The following ZC3H6 variants were observed in gnomAD, a reference collection of about 807,000 sequenced individuals.
The protein encoded by ZC3H6 is zinc finger CCCH-type containing 6, also known as zinc finger CCCH domain-containing protein 6.
Under a neutral mutation model 107.7 loss-of-function variants are expected in ZC3H6, and 40 were observed. The observed-to-expected ratio is 0.37, with a 90% CI of 0.29 to 0.48. The LOEUF is 0.48. Ranked by LOEUF, ZC3H6 falls within the 20% of genes least tolerant of loss-of-function variation. The probability of loss-of-function intolerance (pLI) is 0.98; values close to 1 mark genes in which losing one functional copy is unlikely to be tolerated. For synonymous variants in ZC3H6, 493 were observed against 487.9 expected (o/e 1.01, Z -0.14); for missense variants, 1,267 against 1,410.4 (o/e 0.90, Z 1.63).
In ZC3H6 at chr2:112,275,745, C is replaced by T; in HGVS notation, c.-250C>T. 1 of 432,082 alleles carries T rather than the reference C, an allele frequency of 2.3e-6. No individual in the cohort carries two copies. The highest frequency in any genetic ancestry group is 4.1e-6 in the Non-Finnish European group (1 of 243,830). 26.8% of individuals were successfully genotyped at this position (432,082 alleles called of 1,614,324 possible). ...CGGCGGCGAATAGAGACTAGAGCGG[C>T]AGCGCCGGCAGCGCGGGGCCGTTGC... On this transcript the variant is annotated 5_prime_UTR_variant, in exon 1 of 12. Transcript: ENST00000409871.
intron 3 of ZC3H6, among the ~76,000 whole-genome samples, chr2:112,308,920 T>C (rs887442906): frequency 6.6e-6 from 1 of 151,140 alleles, no homozygotes; most frequent in African/African-American, 2.4e-5. Context: ...GGCATGTTGG[T>C]GCGCGCCTGT....
Position 112,332,793 on chromosome 2 carries a change from TAATC to T in ZC3H6, c.*309_*312del, listed in dbSNP as rs1014153985. ...CTGAATATATGCCAGTTGTCTTTCA[TAATC>T]AATGTTTAGATAAATGATTGCCACT... is the stretch of plus-strand genomic sequence containing the variant. On this transcript the variant is annotated 3_prime_UTR_variant, in exon 12 of 12. Transcript: ENST00000409871. The T allele has an allele frequency of 3.0e-5, 6 of 199,982 alleles. No individual in the cohort carries two copies. The Admixed American group carries it at 3.2e-4, about 11-fold the overall frequency. 12.4% of individuals were successfully genotyped at this position (199,982 alleles called of 1,614,324 possible).
chr2:112,325,836 T>A (rs957198918), intron 11 of ZC3H6, among the ~76,000 whole-genome samples: 1 of 152,038 alleles, frequency 6.6e-6, no homozygotes, highest in Non-Finnish European at 1.5e-5. Flanking sequence ...ATAAAAAGAT[T>A]ATATGGAAAC....
chr2:112,289,149 C>T (rs1403201369), intron 1 of ZC3H6, among the ~76,000 whole-genome samples: 26 of 150,912 alleles, frequency 1.7e-4, no homozygotes, highest in African/African-American at 3.4e-4. Context: ...CTCTACCTCC[C>T]AGATTCAAGC....
intron 7 of ZC3H6, among the ~76,000 whole-genome samples, chr2:112,319,996 G>T (rs186789022): frequency 6.6e-6 from 1 of 152,078 alleles, no homozygotes; most frequent in Admixed American, 6.6e-5. Context: ...CCAATGGCGC[G>T]TTCTCCGCTC....
In ZC3H6 at chr2:112,338,875, A is replaced by G. The variant is rs1256597540; in HGVS notation, c.*6387A>G. ...TGTGTGTATATATATATATATATAT[A>G]TATATATATATATATATATATATAT... On this transcript the variant is annotated 3_prime_UTR_variant, in exon 12 of 12. Coordinates refer to ENST00000409871, the MANE Select transcript of ZC3H6 (RefSeq NM_198581.3). 0.011 allele frequency: 144 copies of G among 13,158 alleles called. 3 individuals carry two copies. Among genetic ancestry groups the G allele is most frequent in the African/African-American group, 0.087 (54 of 622 alleles). The allele number at this position is 13,158 out of a possible 1,614,324, so 0.8% of individuals were successfully genotyped here. A position where few individuals can be genotyped will look rare whatever the true frequency, so the allele number is the denominator to read the frequency against.
At chr2:112,290,390 A>T (rs549441527) in intron 1 of ZC3H6, among the ~76,000 whole-genome samples, 1 of 152,356 alleles carries the variant, frequency 6.6e-6, no homozygotes, top group East Asian at 1.9e-4. Flanking sequence ...CAGTTTATTT[A>T]CGACTTCCTC....
intron 11 of ZC3H6, 105 bp from the exon 12 acceptor site, chr2:112,330,900 A>T: frequency 4.6e-6 from 2 of 432,712 alleles, no homozygotes; most frequent in Non-Finnish European, 6.7e-6. Flanking sequence ...GCTACATATA[A>T]ATGTAGCCAT....
In ZC3H6 at chr2:112,339,812, T is replaced by C. The variant is rs183556948; in HGVS notation, c.*7324T>C. ...TTACTTTGGAAGGTTTTACTAGATA[T>C]CAGTTTAGTAGATTAATGACGTTGT... On this transcript the variant is annotated 3_prime_UTR_variant, in exon 12 of 12. Coordinates refer to ENST00000409871, the MANE Select transcript of ZC3H6 (RefSeq NM_198581.3). 2 of 152,084 alleles carry C rather than the reference T, an allele frequency of 1.3e-5. No individual in the cohort carries two copies. The highest frequency in any genetic ancestry group is 4.8e-5 in the African/African-American group (2 of 41,398). The allele number at this position is 152,084 out of a possible 1,614,324, so 9.4% of individuals were successfully genotyped here.
chr2:112,314,875 A>G (rs1008477554), intron 5 of ZC3H6, among the ~76,000 whole-genome samples: 2 of 152,152 alleles, frequency 1.3e-5, no homozygotes, highest in African/African-American at 4.8e-5. Flanking sequence ...GTATGTTTAT[A>G]TTTTTAAAAC....
In ZC3H6 at chr2:112,333,972, T is replaced by G. The variant is rs1392688153; in HGVS notation, c.*1484T>G. 1 of 152,112 alleles carries G rather than the reference T, an allele frequency of 6.6e-6. No homozygotes were observed. Among genetic ancestry groups the G allele is most frequent in the East Asian group, 1.9e-4 (1 of 5,198 alleles). 9.4% of individuals were successfully genotyped at this position (152,112 alleles called of 1,614,324 possible). On this transcript the variant is annotated 3_prime_UTR_variant, in exon 12 of 12. Transcript: ENST00000409871. ...TAATCACTTCTTCAATTCTTTTTGCTGCAGTTCTGTGCTAAAATGGGGTTG... is the reference window on the plus strand; with the variant it reads ...TAATCACTTCTTCAATTCTTTTTGCGGCAGTTCTGTGCTAAAATGGGGTTG...
intron 7 of ZC3H6, among the ~76,000 whole-genome samples, chr2:112,319,733 T>TGA (rs150206380): frequency 0.014 from 2,162 of 152,266 alleles, 34 homozygotes; most frequent in South Asian, 0.05. Flanking sequence ...GTTGAACCTA[T>TGA]GAGGTCAACA....
rs770221133 is a variant in ZC3H6, at chr2:112,331,096, T to C, written c.2178T>C (p.Thr726=). 6.2e-7 allele frequency: 1 copy of C among 1,610,464 alleles called. No homozygotes were observed. Residue 726 remains threonine (T), a synonymous_variant, in exon 12 of 12, where the codon ACT becomes ACC. Coordinates refer to ENST00000409871, the MANE Select transcript of ZC3H6 (RefSeq NM_198581.3). ...AAACATTACAGAAACAAACAGAAACTTTAAGGAATCAGCAACAACCTTCCA... is the reference window on the plus strand; with the variant it reads ...AAACATTACAGAAACAAACAGAAACCTTAAGGAATCAGCAACAACCTTCCA... ...ILKTLQKQTE[T]LRNQQQPSTE...
In ZC3H6 at chr2:112,339,808, G is replaced by C. The variant is rs1677209558; in HGVS notation, c.*7320G>C. The stretch of plus-strand genomic sequence containing the variant: ...TATTTTACTTTGGAAGGTTTTACTA[G>C]ATATCAGTTTAGTAGATTAATGACG... On this transcript the variant is annotated 3_prime_UTR_variant, in exon 12 of 12. Transcript: ENST00000409871. 1 of 151,770 alleles carries C rather than the reference G, an allele frequency of 6.6e-6. No homozygotes were observed. 9.4% of individuals were successfully genotyped at this position (151,770 alleles called of 1,614,324 possible).
intron 10 of ZC3H6, 25 bp from the exon 11 acceptor site, chr2:112,324,939 G>C (rs752611529): frequency 6.4e-6 from 10 of 1,567,980 alleles, no homozygotes; most frequent in African/African-American, 1.4e-5. Context: ...CTCAATGACT[G>C]TCTCTCCCCA....
chr2:112,280,160 G>A (rs1345467586), intron 1 of ZC3H6, among the ~76,000 whole-genome samples: 2 of 152,012 alleles, frequency 1.3e-5, no homozygotes, highest in Non-Finnish European at 2.9e-5. Flanking sequence ...AATTGCAGAT[G>A]CCTTTTCTCA....
chr2:112,319,405 G>A (rs1050483663), intron 7 of ZC3H6, among the ~76,000 whole-genome samples: 7 of 152,082 alleles, frequency 4.6e-5, no homozygotes, highest in South Asian at 2.1e-4. Flanking sequence ...CACCACTTTC[G>A]GAGGCCAAGG....
chr2:112,286,602 T>G (rs1558945681), intron 1 of ZC3H6, among the ~76,000 whole-genome samples: 4 of 152,234 alleles, frequency 2.6e-5, no homozygotes, highest in Non-Finnish European at 5.9e-5. Flanking sequence ...CACGCCCAGC[T>G]AAATTTTGCA....
At chr2:112,276,550 G>T (rs1686428281) in intron 1 of ZC3H6, among the ~76,000 whole-genome samples, 1 of 152,064 alleles carries the variant, frequency 6.6e-6, no homozygotes, top group Admixed American at 6.6e-5. Flanking sequence ...AATTTGAGAT[G>T]GCAAGTTTCA....
Sources: allele counts gnomAD v4.1 joint callset (sites outside exome capture counted in the v4.1 genomes callset), GRCh38; gene constraint gnomAD v4.1.1; transcripts MANE v1.5; gene names NCBI Gene and HGNC (gene_info 2026-07-23, HGNC 2026-07-21).